PRP4K: variants seen among roughly 807,000 people sequenced by gnomAD.
The protein encoded by PRP4K is pre-mRNA processing factor kinase PRP4K, also known as serine/threonine-protein kinase PRP4 homolog.
the PRP4K span, chr6:4,050,333 AGTT>A: frequency 1.5e-6 from 1 of 672,554 alleles, no homozygotes; most frequent in Admixed American, 3.1e-5. Flanking sequence ...GCCAGGAAAC[AGTT>A]GTTTTTGACT....
the PRP4K span, chr6:4,041,076 G>C: frequency 9.1e-6 from 8 of 880,600 alleles, no homozygotes; most frequent in Non-Finnish European, 1.2e-5. Context: ...TGTGAATATT[G>C]TGTAGGTTGT....
chr6:4,050,015 G>GTTT, the PRP4K span: 1 of 27,304 alleles, frequency 3.7e-5, no homozygotes, highest in Non-Finnish European at 8.4e-5. Context: ...AATGGAAACA[G>GTTT]TTGTTTTTTT....
At chr6:4,055,843 A>G in the PRP4K span, among the ~76,000 whole-genome samples, 3 of 152,224 alleles carry the variant, frequency 2.0e-5, no homozygotes, top group African/African-American at 7.2e-5. Context: ...TTGGGATCAT[A>G]TAGCAGCTTC....
the PRP4K span, among the ~76,000 whole-genome samples, chr6:4,040,543 G>T: frequency 6.6e-6 from 1 of 152,204 alleles, no homozygotes; most frequent in African/African-American, 2.4e-5. Context: ...GTATGTTTTA[G>T]TTATCTTCAG....
At chr6:4,042,010 G>A in the PRP4K span, among the ~76,000 whole-genome samples, 1 of 152,178 alleles carries the variant, frequency 6.6e-6, no homozygotes, top group African/African-American at 2.4e-5. Flanking sequence ...GTGTTGCGGA[G>A]TAGAGCCACA....
chr6:4,048,106 C>T, the PRP4K span, among the ~76,000 whole-genome samples: 206 of 152,074 alleles, frequency 1.4e-3, no homozygotes, highest in African/African-American at 4.6e-3. Context: ...GGGCCTGGCA[C>T]GGTGGCTCAC....
chr6:4,060,391 G>A, the PRP4K span: 224 of 1,599,180 alleles, frequency 1.4e-4, 1 homozygote, highest in South Asian at 2.8e-4. The surrounding 1 kb of genome is among the most constrained non-coding windows in gnomAD (Gnocchi z 4.7). Flanking sequence ...TTAGAGATAC[G>A]CATTTTAAAA....
At chr6:4,056,793 G>A in the PRP4K span, 8 of 1,315,434 alleles carry the variant, frequency 6.1e-6, no homozygotes, top group Non-Finnish European at 8.1e-6. Flanking sequence ...GAAAAGAGAA[G>A]AAATACATAT....
the PRP4K span, among the ~76,000 whole-genome samples, chr6:4,056,008 T>A: frequency 6.6e-6 from 1 of 152,224 alleles, no homozygotes. Flanking sequence ...TAGAAGATGC[T>A]TTGCTTCATG....
At chr6:4,022,075 G>C in the PRP4K span, among the ~76,000 whole-genome samples, 2 of 151,396 alleles carry the variant, frequency 1.3e-5, no homozygotes, top group African/African-American at 2.4e-5. Context: ...GTTTTGTTTT[G>C]AGTGCCTACC....
the PRP4K span, among the ~76,000 whole-genome samples, chr6:4,024,154 C>T: frequency 2.0e-5 from 3 of 152,012 alleles, no homozygotes; most frequent in African/African-American, 4.8e-5. Context: ...CGTGAGCTAC[C>T]GTGCCGAGCC....
chr6:4,031,890 A>G, the PRP4K span: 1 of 1,614,068 alleles, frequency 6.2e-7, no homozygotes, highest in Non-Finnish European at 8.5e-7. Flanking sequence ...TAATGAGTTA[A>G]TGGAAGGAAA....
At chr6:4,041,010 C>A in the PRP4K span, 1 of 1,343,440 alleles carries the variant, frequency 7.4e-7, no homozygotes, top group African/African-American at 1.5e-5. Flanking sequence ...ATAATATCCA[C>A]CTAAATATTA....
At chr6:4,053,010 T>C in the PRP4K span, 1 of 760,498 alleles carries the variant, frequency 1.3e-6, no homozygotes, top group African/African-American at 1.8e-5. Context: ...AAATGACTAA[T>C]ACTTTTTTAT....
chr6:4,045,202 CTT>C, the PRP4K span, among the ~76,000 whole-genome samples: 1 of 152,178 alleles, frequency 6.6e-6, no homozygotes, highest in Non-Finnish European at 1.5e-5. Flanking sequence ...CCAGAAAAAA[CTT>C]TGGCACTGAA....
chr6:4,049,233 G>C, the PRP4K span: 1 of 850,142 alleles, frequency 1.2e-6, no homozygotes, highest in Admixed American at 3.1e-5. Context: ...TTTAAAAATT[G>C]TGGCACATCC....
chr6:4,047,220 CTGA>C, the PRP4K span: 1 of 1,612,486 alleles, frequency 6.2e-7, no homozygotes, highest in Non-Finnish European at 8.5e-7. Flanking sequence ...TTTACAGAAT[CTGA>C]TGATATGTTT....
chr6:4,034,870 G>T, the PRP4K span, among the ~76,000 whole-genome samples: 66,846 of 150,760 alleles, frequency 0.44, 16,856 homozygotes, highest in East Asian at 0.62. Flanking sequence ...GCACCACCAT[G>T]CCCAGCTAAT....
At chr6:4,059,888 A>G in the PRP4K span, among the ~76,000 whole-genome samples, 2 of 152,184 alleles carry the variant, frequency 1.3e-5, no homozygotes, top group African/African-American at 4.8e-5. Context: ...CAAGTGATCC[A>G]CCTACCTTGG....
Sources: allele counts gnomAD v4.1 joint callset (sites outside exome capture counted in the v4.1 genomes callset), GRCh38; gene constraint gnomAD v4.1.1; non-coding constraint Gnocchi (gnomAD v3.1); transcripts MANE v1.5; gene names NCBI Gene and HGNC (gene_info 2026-07-23, HGNC 2026-07-21).